The following MTUS1 variants were observed in gnomAD, a reference collection of about 807,000 sequenced individuals.
MTUS1 encodes microtubule-associated tumor suppressor 1.
In MTUS1, 109 loss-of-function variants were observed where a neutral mutation model predicts 120.8. The ratio of observed to expected loss-of-function variants is 0.90; its 90% confidence interval spans 0.77 to 1.06. The LOEUF is 1.06. Among genes scored for constraint, MTUS1 ranks in the 50% least tolerant of loss-of-function variants. The pLI is 0.00. For synonymous variants in MTUS1, 737 were observed against 550.5 expected (o/e 1.34, Z -4.74); for missense variants, 2,210 against 1,486.3 (o/e 1.49, Z -8.01).
chr8:17,675,010 G>A, intron 8 of MTUS1, 176 bp downstream of exon 8: 16 of 1,413,870 alleles, frequency 1.1e-5, no homozygotes, highest in East Asian at 2.5e-5. Context: ...TGAACTGAAG[G>A]TCAAGCTGCC....
intron 2 of MTUS1, among the ~76,000 whole-genome samples, chr8:17,750,675 T>A (rs911163421): frequency 2.8e-4 from 42 of 152,158 alleles, no homozygotes; most frequent in African/African-American, 9.7e-4. Flanking sequence ...TAACAATGTA[T>A]GGAAAGCACC....
rs192525948 is a variant in MTUS1, at chr8:17,649,746, A to C, written c.3501+100T>G. ...TTTTGTATAATTTCTAAATATCTTT[A>C]GGAGCAGTTAACCCAACTCCACAGT... On this transcript the variant is annotated intron_variant, in intron 13 of 14. Coordinates refer to ENST00000693296, the MANE Select transcript of MTUS1 (RefSeq NM_001363059.2). 4 of 700,206 alleles carry C rather than the reference A, an allele frequency of 5.7e-6. No individual in the cohort carries two copies. In the East Asian group the frequency reaches 7.5e-5, roughly 13 times the overall value. The allele number at this position is 700,206 out of a possible 1,614,324, so 43.4% of individuals were successfully genotyped here.
intron 8 of MTUS1, chr8:17,663,964 C>T (rs1255620118): frequency 1.3e-5 from 2 of 152,226 alleles, no homozygotes; most frequent in African/African-American, 4.8e-5. Flanking sequence ...TGAAATAGCA[C>T]AGGTGAAGCA....
At position 17,761,491 on chromosome 8, in the gene MTUS1, T is replaced by C. The variant is rs144332443; in HGVS notation, c.-154-5530A>G. 1.1e-4 allele frequency among the ~76,000 whole-genome samples: 17 copies of C among 152,304 alleles called. No homozygotes were observed. In the East Asian group the frequency reaches 3.3e-3, roughly 29 times the overall value. ...ATGACGTGACCAAATCAGTTGTCAATAGCAGATTATACAATAGCTGTGTGC... is the reference window on the plus strand; with the variant it reads ...ATGACGTGACCAAATCAGTTGTCAACAGCAGATTATACAATAGCTGTGTGC... On this transcript the variant is annotated intron_variant, in intron 1 of 14. Coordinates refer to ENST00000693296, the MANE Select transcript of MTUS1 (RefSeq NM_001363059.2).
chr8:17,733,372 A>C (rs1261067752), intron 3 of MTUS1, among the ~76,000 whole-genome samples: 2 of 151,818 alleles, frequency 1.3e-5, no homozygotes, highest in Non-Finnish European at 2.9e-5. Context: ...AAAAAAAAAA[A>C]CAGCAGACAC....
chr8:17,694,093 T>G (rs984347174), intron 6 of MTUS1, among the ~76,000 whole-genome samples: 11 of 152,188 alleles, frequency 7.2e-5, no homozygotes, highest in Admixed American at 6.5e-5. Context: ...TAATTTTTTG[T>G]GTGTGGTTTT....
intron 1 of MTUS1, among the ~76,000 whole-genome samples, chr8:17,798,445 G>A (rs1306867378): frequency 1.3e-5 from 2 of 152,018 alleles, no homozygotes; most frequent in South Asian, 4.1e-4. Flanking sequence ...CGCTTCTCCT[G>A]CCTCAGCGTC....
At chr8:17,778,028 G>A (rs1309543314) in intron 1 of MTUS1, among the ~76,000 whole-genome samples, 7 of 152,144 alleles carry the variant, frequency 4.6e-5, no homozygotes, top group Non-Finnish European at 8.8e-5. Context: ...TGTGGGTGGG[G>A]GTATGGAGCT....
intron 1 of MTUS1, among the ~76,000 whole-genome samples, chr8:17,765,618 C>CAAAA (rs3039983): frequency 0.015 from 1,444 of 94,444 alleles, 124 homozygotes; most frequent in African/African-American, 0.056. Flanking sequence ...GACTCTGTCT[C>CAAAA]AAAAAAAAAA....
intron 3 of MTUS1, among the ~76,000 whole-genome samples, chr8:17,742,297 T>TTTTTTTTTTTTTG (rs2047393022): frequency 7.0e-6 from 1 of 142,240 alleles, no homozygotes; most frequent in African/African-American, 2.7e-5. Flanking sequence ...TGTTGTTTTT[T>TTTTTTTTTTTTTG]TTTTTTTTTT....
rs751958726 is a variant in MTUS1 at position 17,743,653 on chromosome 8, A to G, written c.2238T>C (p.Ser746=). Residue 746 remains serine (S), a synonymous_variant, in exon 3 of 15, where the codon AGT becomes AGC. Coordinates refer to ENST00000693296, the MANE Select transcript of MTUS1 (RefSeq NM_001363059.2). The part of the protein sequence containing the change: ...LRRNSDNRNP[S]ADRAVSPQRI... ...TCTGAGGAGATACGGCTCGATCAGC[A>G]CTGGGATTTCTATTGTCACTGTTCC... 1 of 1,614,078 alleles carries G rather than the reference A, an allele frequency of 6.2e-7. No individual in the cohort carries two copies. Among genetic ancestry groups the G allele is most frequent in the East Asian group, 2.2e-5 (1 of 44,892 alleles).
chr8:17,796,191 T>C (rs1158416221), intron 1 of MTUS1, among the ~76,000 whole-genome samples: 1 of 5,406 alleles, frequency 1.8e-4, no homozygotes, highest in Non-Finnish European at 4.2e-4. Context: ...CCTGAAGTGA[T>C]CCGCTTGGCT....
chr8:17,796,300 T>A (rs1304918763), intron 1 of MTUS1, among the ~76,000 whole-genome samples: 1 of 152,306 alleles, frequency 6.6e-6, no homozygotes, highest in Non-Finnish European at 1.5e-5. Context: ...TTAAATGCAG[T>A]TTATCTTTGA....
intron 1 of MTUS1, among the ~76,000 whole-genome samples, chr8:17,780,320 C>A (rs1187775812): frequency 6.6e-6 from 1 of 152,232 alleles, no homozygotes; most frequent in Non-Finnish European, 1.5e-5. Flanking sequence ...CACATGCCAG[C>A]AACATGCTTC....
At chr8:17,748,402 T>C (rs753357722) in intron 2 of MTUS1, among the ~76,000 whole-genome samples, 2 of 152,192 alleles carry the variant, frequency 1.3e-5, no homozygotes, top group Non-Finnish European at 2.9e-5. Flanking sequence ...CCAATTCTTC[T>C]TGGACAGTGG....
At chr8:17,651,055 C>T (rs939884425) in intron 12 of MTUS1, among the ~76,000 whole-genome samples, 5 of 152,278 alleles carry the variant, frequency 3.3e-5, no homozygotes, top group African/African-American at 9.6e-5. Context: ...ACGTGTTCCA[C>T]GGGTTAAGCG....
intron 7 of MTUS1, among the ~76,000 whole-genome samples, chr8:17,680,464 CAAAAAAAAAAAAA>C (rs58490523): frequency 2.0e-3 from 48 of 24,318 alleles, no homozygotes; most frequent in Non-Finnish European, 3.1e-3. Context: ...GCCACTGTCG[CAAAAAAAAAAAAA>C]AAAAAAAAAA....
At chr8:17,749,053 G>C (rs764702371) in intron 2 of MTUS1, among the ~76,000 whole-genome samples, 8 of 152,094 alleles carry the variant, frequency 5.3e-5, no homozygotes, top group Non-Finnish European at 1.2e-4. Flanking sequence ...CTCGGCCAAG[G>C]GCATTCCAAG....
intron 6 of MTUS1, among the ~76,000 whole-genome samples, chr8:17,708,346 A>G (rs990367736): frequency 6.6e-6 from 1 of 152,248 alleles, no homozygotes; most frequent in Non-Finnish European, 1.5e-5. Flanking sequence ...AGCACACGAA[A>G]TGACACTCAA....
Sources: allele counts gnomAD v4.1 joint callset (sites outside exome capture counted in the v4.1 genomes callset), GRCh38; gene constraint gnomAD v4.1.1; transcripts MANE v1.5; gene names NCBI Gene and HGNC (gene_info 2026-07-23, HGNC 2026-07-21).